The following PNLIPRP3 variants were observed in gnomAD, a reference collection of about 807,000 sequenced individuals.
PNLIPRP3 encodes the protein pancreatic lipase related protein 3.
Under a neutral mutation model 52.8 loss-of-function variants are expected in PNLIPRP3, and 58 were observed. The ratio of observed to expected loss-of-function variants is 1.10; its 90% CI spans 0.89 to 1.37. The LOEUF is 1.37. PNLIPRP3 is among the 40% of genes most tolerant of loss of function. The pLI, the probability that PNLIPRP3 is intolerant of heterozygous loss-of-function variation, is 0.00. For synonymous variants in PNLIPRP3, 192 were observed against 185.0 expected (o/e 1.04, Z -0.31); for missense variants, 593 against 561.6 (o/e 1.06, Z -0.57).
At chr10:116,459,007 T>C (rs1846153657) in intron 5 of PNLIPRP3, among the ~76,000 whole-genome samples, 1 of 152,146 alleles carries the variant, frequency 6.6e-6, no homozygotes, top group Non-Finnish European at 1.5e-5. Flanking sequence ...ATCAGACATT[T>C]TGACTCTGTG....
chr10:116,431,422 C>G (rs767657920), intron 1 of PNLIPRP3, among the ~76,000 whole-genome samples: 2 of 152,020 alleles, frequency 1.3e-5, no homozygotes, highest in Non-Finnish European at 2.9e-5. Context: ...TATTCAAACT[C>G]CTGGGGGCCA....
intron 4 of PNLIPRP3, among the ~76,000 whole-genome samples, chr10:116,450,207 A>C (rs1300750639): frequency 1.8e-4 from 27 of 152,198 alleles, no homozygotes; most frequent in Non-Finnish European, 1.5e-5. Context: ...AGCTTGCCCA[A>C]CCCACAGCCC....
At chr10:116,466,858 A>C (rs1846288440) in intron 8 of PNLIPRP3, among the ~76,000 whole-genome samples, 1 of 152,168 alleles carries the variant, frequency 6.6e-6, no homozygotes, top group Non-Finnish European at 1.5e-5. Flanking sequence ...CTGTGTTGTG[A>C]CATGAAGAAG....
chr10:116,445,727 T>C (rs1374417032), intron 4 of PNLIPRP3, among the ~76,000 whole-genome samples: 1 of 152,200 alleles, frequency 6.6e-6, no homozygotes, highest in Non-Finnish European at 1.5e-5. Flanking sequence ...AAATGTTCAT[T>C]GAATTGAATA....
chr10:116,458,181 A>G (rs1040251834), intron 5 of PNLIPRP3, among the ~76,000 whole-genome samples: 6 of 152,134 alleles, frequency 3.9e-5, no homozygotes, highest in African/African-American at 1.2e-4. Context: ...ATTTATTTTT[A>G]TTTATAAACA....
At chr10:116,440,144 T>A (rs1220862603) in intron 2 of PNLIPRP3, 1 of 607,954 alleles carries the variant, frequency 1.6e-6, no homozygotes, top group Non-Finnish European at 2.9e-6. Context: ...CCTTTTAGGA[T>A]GTTCAGGGCA....
rs529164748 is a variant in PNLIPRP3 at position 116,434,587 on chromosome 10, T to A, written c.50-2124T>A. ...TACACTCTCTGTGAGCATTTTCTTA[T>A]GGAAAAAAGAGCACAGTGGTAGATA... On this transcript the variant is annotated intron_variant, in intron 1 of 11. Coordinates refer to ENST00000369230, the MANE Select transcript of PNLIPRP3 (RefSeq NM_001011709.3). Among the ~76,000 whole-genome samples the A allele has an allele frequency of 3.3e-5, 5 of 152,250 alleles. No homozygotes were observed. The South Asian group carries it at 1.0e-3, about 32-fold the overall frequency.
chr10:116,427,945 A>G lies in PNLIPRP3; in HGVS notation c.-68A>G, dbSNP rs1845660178. The G allele has an allele frequency of 1.7e-6, 2 of 1,211,676 alleles. No homozygotes were observed. The highest frequency in any genetic ancestry group is 2.4e-6 in the Non-Finnish European group (2 of 819,536). The allele number at this position is 1,211,676 out of a possible 1,614,324, so 75.1% of individuals were successfully genotyped here. A position where few individuals can be genotyped will look rare whatever the true frequency, so the allele number is the denominator to read the frequency against. ...TGTGAGGAAAACCACTTAGTATTTT[A>G]TAGTGAGGTGACTTTACAAGTAAAG... is the stretch of plus-strand genomic sequence containing the variant. On this transcript the variant is annotated 5_prime_UTR_variant, in exon 1 of 12. Transcript: ENST00000369230.
intron 2 of PNLIPRP3, 79 bp downstream of exon 2, chr10:116,436,944 A>T (rs757130013): frequency 5.5e-5 from 75 of 1,354,920 alleles, no homozygotes; most frequent in Non-Finnish European, 7.2e-5. Context: ...ACATAGATAC[A>T]GTAACCTATT....
intron 1 of PNLIPRP3, among the ~76,000 whole-genome samples, chr10:116,430,076 G>A (rs1845688196): frequency 6.6e-6 from 1 of 152,172 alleles, no homozygotes; most frequent in Non-Finnish European, 1.5e-5. Context: ...CCCCTCAGTA[G>A]GTGAGAGAAG....
intron 4 of PNLIPRP3, among the ~76,000 whole-genome samples, chr10:116,446,817 C>G (rs1035109423): frequency 6.6e-6 from 1 of 152,162 alleles, no homozygotes; most frequent in Non-Finnish European, 1.5e-5. Context: ...GTCTTAACTT[C>G]TACCTCTGAC....
intron 1 of PNLIPRP3, among the ~76,000 whole-genome samples, chr10:116,432,166 T>C (rs1424478900): frequency 6.6e-6 from 1 of 152,228 alleles, no homozygotes; most frequent in Non-Finnish European, 1.5e-5. Flanking sequence ...CCAGTGCTAA[T>C]AGCATCTGGC....
At chr10:116,440,762 A>G (rs1406811659) in intron 2 of PNLIPRP3, among the ~76,000 whole-genome samples, 1 of 152,168 alleles carries the variant, frequency 6.6e-6, no homozygotes, top group African/African-American at 2.4e-5. Context: ...ATGACACCTT[A>G]ACCTAGAGTG....
intron 7 of PNLIPRP3, among the ~76,000 whole-genome samples, chr10:116,463,639 G>A (rs1451493761): frequency 6.6e-6 from 1 of 152,150 alleles, no homozygotes; most frequent in Non-Finnish European, 1.5e-5. Flanking sequence ...TGGCCTCCAT[G>A]TTGAGAGAAG....
At chr10:116,448,348 A>T (rs1295104189) in intron 4 of PNLIPRP3, among the ~76,000 whole-genome samples, 1 of 152,192 alleles carries the variant, frequency 6.6e-6, no homozygotes, top group Non-Finnish European at 1.5e-5. Context: ...ATCTCCTTAA[A>T]ATACACTATT....
At chr10:116,433,915 A>T (rs1489943054) in intron 1 of PNLIPRP3, among the ~76,000 whole-genome samples, 1 of 152,242 alleles carries the variant, frequency 6.6e-6, no homozygotes, top group Admixed American at 6.5e-5. Flanking sequence ...ATTACCATAA[A>T]GTAACCTAGC....
chr10:116,462,646 G>C (rs962982409), intron 7 of PNLIPRP3, among the ~76,000 whole-genome samples: 2 of 152,110 alleles, frequency 1.3e-5, no homozygotes, highest in Admixed American at 6.6e-5. Flanking sequence ...ATTTCACCTA[G>C]TTCAGATAAG....
At chr10:116,433,693 G>A (rs1021734373) in intron 1 of PNLIPRP3, among the ~76,000 whole-genome samples, 1 of 151,452 alleles carries the variant, frequency 6.6e-6, no homozygotes, top group African/African-American at 2.5e-5. Flanking sequence ...ACACCTTTAA[G>A]AGCCTTTGCA....
intron 2 of PNLIPRP3, chr10:116,439,695 G>A: frequency 1.3e-6 from 1 of 768,710 alleles, no homozygotes; most frequent in Non-Finnish European, 2.4e-6. Context: ...CTCCAATAGA[G>A]AAGCCAGGGT....
Sources: allele counts gnomAD v4.1 joint callset (sites outside exome capture counted in the v4.1 genomes callset), GRCh38; gene constraint gnomAD v4.1.1; transcripts MANE v1.5; gene names NCBI Gene and HGNC (gene_info 2026-07-23, HGNC 2026-07-21).